RETREG1: variants seen among roughly 807,000 people sequenced by gnomAD.
RETREG1 encodes reticulophagy regulator 1.
RETREG1 carries 44 observed loss-of-function variants against 54.8 expected under a neutral mutation model. The observed-to-expected ratio is 0.80, with a 90% CI of 0.63 to 1.03. The LOEUF is 1.03. Ranked by LOEUF, RETREG1 falls within the 50% of genes least tolerant of loss-of-function variation. RETREG1 has a pLI of 0.00. For synonymous variants in RETREG1, 217 were observed against 238.5 expected (o/e 0.91, Z 0.83); for missense variants, 554 against 605.1 (o/e 0.92, Z 0.89).
intron 3 of RETREG1, among the ~76,000 whole-genome samples, chr5:16,551,190 G>T (rs1025287821): frequency 2.1e-4 from 32 of 152,040 alleles, no homozygotes; most frequent in African/African-American, 7.7e-4. Flanking sequence ...TCCAAACTGT[G>T]ATTCACACTA....
rs867251627 is a variant in RETREG1, at chr5:16,550,581, G to T, written c.458+15182C>A. Reference sequence around the variant, plus strand: ...AGGCTGCATGCAGAAAACACTGCCTGGTGGACAAAAGCCATCCAGCCCTGC... The same window carrying T: ...AGGCTGCATGCAGAAAACACTGCCTTGTGGACAAAAGCCATCCAGCCCTGC... On this transcript the variant is annotated intron_variant, in intron 3 of 8. Transcript: ENST00000306320. 3.3e-5 allele frequency among the ~76,000 whole-genome samples: 5 copies of T among 152,274 alleles called. No homozygotes were observed. In the South Asian group the frequency reaches 8.3e-4, roughly 25 times the overall value.
chr5:16,556,085 A>G (rs1404731600), intron 3 of RETREG1, among the ~76,000 whole-genome samples: 1 of 152,160 alleles, frequency 6.6e-6, no homozygotes, highest in Admixed American at 6.5e-5. Context: ...TGATAAAACC[A>G]TCAGAGTTTT....
At chr5:16,580,479 TAGA>T (rs1742451483) in intron 1 of RETREG1, among the ~76,000 whole-genome samples, 1 of 152,234 alleles carries the variant, frequency 6.6e-6, no homozygotes, top group Admixed American at 6.5e-5. Flanking sequence ...TAGTTCTCTG[TAGA>T]AGAACTAAAT....
chr5:16,591,416 T>C (rs908201049), intron 1 of RETREG1, among the ~76,000 whole-genome samples: 1 of 152,192 alleles, frequency 6.6e-6, no homozygotes, highest in East Asian at 1.9e-4. Flanking sequence ...GAATGAGGAC[T>C]TGAACAGCAG....
intron 1 of RETREG1, among the ~76,000 whole-genome samples, chr5:16,610,902 C>G (rs1743323183): frequency 6.6e-6 from 1 of 152,150 alleles, no homozygotes; most frequent in Non-Finnish European, 1.5e-5. Context: ...CATCCCATTA[C>G]TGGGTATATA....
At chr5:16,475,383 A>T (rs982461114) in intron 8 of RETREG1, 149 bp from the exon 9 acceptor site, 1 of 788,236 alleles carries the variant, frequency 1.3e-6, no homozygotes, top group African/African-American at 1.7e-5. Context: ...CAATTTAACC[A>T]CATACTGAAC....
Position 16,519,741 on chromosome 5 carries a change from A to G in RETREG1, c.459-36269T>C, listed in dbSNP as rs568060270. Among the ~76,000 whole-genome samples the G allele has an allele frequency of 5.3e-5, 8 of 152,316 alleles. No homozygotes were observed. In the East Asian group the frequency reaches 1.2e-3, roughly 22 times the overall value. Reference sequence around the variant, plus strand: ...TCCCAGTCTAACGCAGACACTGCCCAGTTGCACCTCTTGTGCTGGTATAAC... The same window carrying G: ...TCCCAGTCTAACGCAGACACTGCCCGGTTGCACCTCTTGTGCTGGTATAAC... On this transcript the variant is annotated intron_variant, in intron 3 of 8. Coordinates refer to ENST00000306320, the MANE Select transcript of RETREG1 (RefSeq NM_001034850.3).
At chr5:16,484,447 A>C (rs1232946255) in intron 3 of RETREG1, among the ~76,000 whole-genome samples, 4 of 152,170 alleles carry the variant, frequency 2.6e-5, no homozygotes, top group Non-Finnish European at 5.9e-5. Context: ...AGAGCTATGG[A>C]TATGGCAATA....
intron 3 of RETREG1, among the ~76,000 whole-genome samples, chr5:16,560,305 A>G: frequency 6.6e-6 from 1 of 152,246 alleles, no homozygotes; most frequent in East Asian, 1.9e-4. Context: ...CCCAAAGAGT[A>G]AATGATAGTT....
At chr5:16,554,473 C>T (rs76364090) in intron 3 of RETREG1, among the ~76,000 whole-genome samples, 3,422 of 152,226 alleles carry the variant, frequency 0.022, 124 homozygotes, top group African/African-American at 0.078. Flanking sequence ...ACCCTGCCTG[C>T]GGGCACACCC....
At chr5:16,491,422 TG>T (rs1739242074) in intron 3 of RETREG1, among the ~76,000 whole-genome samples, 1 of 152,206 alleles carries the variant, frequency 6.6e-6, no homozygotes, top group African/African-American at 2.4e-5. Flanking sequence ...TAACAGAGCT[TG>T]ACATCTATGA....
Position 16,616,922 on chromosome 5 carries a change from G to C in RETREG1, c.50C>G (p.Pro17Arg), listed in dbSNP as rs1400838793. Residue 17 changes from proline (P) to arginine (R), a missense_variant, in exon 1 of 9, where the codon CCT (proline) becomes CGT (arginine). This residue lies in a region of RETREG1 where 175 missense variants were observed against 142.1 expected (regional missense o/e 1.23). Coordinates refer to ENST00000306320, the MANE Select transcript of RETREG1 (RefSeq NM_001034850.3). ...PEHAEEGCPA[P>R]AAEEQAPPSP... ...CGGCGGCGCCTGCTCCTCGGCGGCA[G>C]GAGCCGGGCATCCCTCCTCGGCGTG... is the stretch of plus-strand genomic sequence containing the variant. 6.8e-7 allele frequency: 1 copy of C among 1,477,126 alleles called. No individual in the cohort carries two copies. The highest frequency in any genetic ancestry group is 8.9e-7 in the Non-Finnish European group (1 of 1,121,046). The allele number at this position is 1,477,126 out of a possible 1,614,324, so 91.5% of individuals were successfully genotyped here. A position where few individuals can be genotyped will look rare whatever the true frequency, so the allele number is the denominator to read the frequency against.
chr5:16,605,394 A>G (rs376451536), intron 1 of RETREG1, among the ~76,000 whole-genome samples: 2 of 152,228 alleles, frequency 1.3e-5, no homozygotes, highest in Admixed American at 6.5e-5. Flanking sequence ...TTCCTCCACC[A>G]TATCATTGAC....
chr5:16,586,690 C>T (rs1742634764), intron 1 of RETREG1, among the ~76,000 whole-genome samples: 1 of 152,166 alleles, frequency 6.6e-6, no homozygotes, highest in South Asian at 2.1e-4. Context: ...GTAACAGATC[C>T]AAATATTAAA....
chr5:16,477,576 G>A, intron 8 of RETREG1, 86 bp downstream of exon 8: 1 of 1,271,488 alleles, frequency 7.9e-7, no homozygotes, highest in East Asian at 2.3e-5. Flanking sequence ...GTGGTAACAT[G>A]TTATTTACCC....
intron 3 of RETREG1, among the ~76,000 whole-genome samples, chr5:16,528,504 T>C (rs971805265): frequency 6.6e-6 from 1 of 152,100 alleles, no homozygotes; most frequent in Non-Finnish European, 1.5e-5. Context: ...CTGGATGACA[T>C]GGAGGCCAGT....
At chr5:16,512,352 C>T (rs568902991) in intron 3 of RETREG1, among the ~76,000 whole-genome samples, 1 of 152,332 alleles carries the variant, frequency 6.6e-6, no homozygotes, top group East Asian at 1.9e-4. Context: ...AGAGCCTACA[C>T]ATGCTGCAGA....
intron 3 of RETREG1, among the ~76,000 whole-genome samples, chr5:16,519,595 A>ATGGAGT (rs1561101499): frequency 6.6e-6 from 1 of 152,132 alleles, no homozygotes; most frequent in African/African-American, 2.4e-5. Context: ...AGCTCCTTTC[A>ATGGAGT]GCCCAAAATA....
At position 16,475,239 on chromosome 5, in the gene RETREG1, G is replaced by A. The variant is rs1359952267; in HGVS notation, c.1001-5C>T. 1.9e-6 allele frequency: 3 copies of A among 1,610,546 alleles called. No homozygotes were observed. Among genetic ancestry groups the A allele is most frequent in the Admixed American group, 3.3e-5 (2 of 59,902 alleles). ...CCTCACTGGGTCGGTCAAGATCTGT[G>A]AAATGGATAACAGAAGTTCAGACTG... On this transcript the variant is annotated splice_polypyrimidine_tract_variant and splice_region_variant and intron_variant, in intron 8 of 8. Coordinates refer to ENST00000306320, the MANE Select transcript of RETREG1 (RefSeq NM_001034850.3).
Sources: gnomAD v4.1 joint callset for allele counts (sites outside exome capture counted in the v4.1 genomes callset) on GRCh38, gnomAD v4.1.1 for gene constraint, gnomAD v4.1.1 regional missense constraint, MANE v1.5 for transcripts, NCBI Gene and HGNC (gene_info 2026-07-23, HGNC 2026-07-21) for gene names.